Variants in MGAT4C observed in about 807,000 individuals in gnomAD.
MGAT4C encodes the protein MGAT4 family member C.
MGAT4C carries 19 observed loss-of-function variants against 40.1 expected under a neutral mutation model. The observed-to-expected ratio is 0.47, with a 90% CI of 0.33 to 0.70. The LOEUF is 0.70. Ranked by LOEUF, MGAT4C falls within the 30% of genes least tolerant of loss-of-function variation. The pLI, the probability that MGAT4C is intolerant of heterozygous loss-of-function variation, is 0.02. For missense variants in MGAT4C, 491 were observed against 563.2 expected (o/e 0.87, Z 1.30); for synonymous variants, 181 against 187.1 (o/e 0.97, Z 0.27).
intron 1 of MGAT4C, among the ~76,000 whole-genome samples, chr12:86,825,052 C>T (rs372041040): frequency 1.3e-5 from 2 of 150,928 alleles, no homozygotes; most frequent in Admixed American, 6.6e-5. Flanking sequence ...CTAGAAAAAC[C>T]GCTAGAGTAG....
At chr12:86,487,645 C>T (rs1181247319) in intron 2 of MGAT4C, among the ~76,000 whole-genome samples, 1 of 152,122 alleles carries the variant, frequency 6.6e-6, no homozygotes, top group African/African-American at 2.4e-5. Context: ...AATATATTTA[C>T]ATAATATGTC....
At chr12:86,458,870 G>C (rs1416800538) in intron 2 of MGAT4C, among the ~76,000 whole-genome samples, 1 of 152,098 alleles carries the variant, frequency 6.6e-6, no homozygotes, top group East Asian at 1.9e-4. Context: ...TTTGACTCCA[G>C]TTTTAGAGAT....
intron 2 of MGAT4C, among the ~76,000 whole-genome samples, chr12:86,505,243 C>T (rs1430346317): frequency 6.6e-6 from 1 of 152,008 alleles, no homozygotes; most frequent in Non-Finnish European, 1.5e-5. Flanking sequence ...TGCTTTCTGG[C>T]CTAATGCAAG....
chr12:86,712,482 T>C (rs1013799283), intron 2 of MGAT4C, among the ~76,000 whole-genome samples: 2 of 152,118 alleles, frequency 1.3e-5, no homozygotes, highest in African/African-American at 4.8e-5. Context: ...GGGCTGTGTT[T>C]TATCAGCACA....
intron 4 of MGAT4C, among the ~76,000 whole-genome samples, chr12:86,268,700 C>CAT (rs144630648): frequency 0.036 from 5,190 of 145,134 alleles, 123 homozygotes; most frequent in Non-Finnish European, 0.056. Context: ...TATATATACA[C>CAT]ATATATATAT....
intron 4 of MGAT4C, among the ~76,000 whole-genome samples, chr12:86,303,596 T>A (rs1312103540): frequency 1.3e-5 from 2 of 149,240 alleles, no homozygotes; most frequent in Admixed American, 1.3e-4. Context: ...ATCCAGAGTT[T>A]AAAAAAAAAT....
At chr12:86,220,730 C>G (rs1950846837) in intron 1 of MGAT4C, among the ~76,000 whole-genome samples, 1 of 152,110 alleles carries the variant, frequency 6.6e-6, no homozygotes, top group African/African-American at 2.4e-5. Context: ...CTACTGTGGA[C>G]TAAATATTCT....
chr12:86,761,068 G>A (rs1375410468), intron 1 of MGAT4C, among the ~76,000 whole-genome samples: 5 of 152,098 alleles, frequency 3.3e-5, no homozygotes, highest in African/African-American at 1.2e-4. Flanking sequence ...TTTGAAATAT[G>A]TATATTTTAT....
intron 1 of MGAT4C, among the ~76,000 whole-genome samples, chr12:86,805,991 A>C (rs11104098): frequency 0.12 from 18,782 of 151,758 alleles, 1,293 homozygotes; most frequent in Non-Finnish European, 0.15. Flanking sequence ...ATTTTTTCAT[A>C]AATTTATTGG....
chr12:86,750,503 A>C (rs1321720194), intron 1 of MGAT4C, among the ~76,000 whole-genome samples: 1 of 151,910 alleles, frequency 6.6e-6, no homozygotes, highest in Non-Finnish European at 1.5e-5. Context: ...CAAACAAACA[A>C]AAACACAACA....
chr12:86,780,796 C>T (rs1284513443), intron 1 of MGAT4C, among the ~76,000 whole-genome samples: 1 of 152,172 alleles, frequency 6.6e-6, no homozygotes, highest in East Asian at 1.9e-4. Context: ...TTTCTCATCC[C>T]TCACTCCCCT....
At chr12:86,500,088 G>GA (rs903131264) in intron 2 of MGAT4C, among the ~76,000 whole-genome samples, 13 of 149,866 alleles carry the variant, frequency 8.7e-5, no homozygotes, top group African/African-American at 2.2e-4. Flanking sequence ...CATCGGAAAT[G>GA]AAAAAAAAAT....
chr12:86,031,902 T>G (rs1179005892), intron 2 of MGAT4C, among the ~76,000 whole-genome samples: 1 of 151,816 alleles, frequency 6.6e-6, no homozygotes, highest in Non-Finnish European at 1.5e-5. Context: ...AGTTTTTTGA[T>G]CCTCATCTTT....
chr12:86,301,431 C>T (rs927562845), intron 4 of MGAT4C, among the ~76,000 whole-genome samples: 1 of 152,162 alleles, frequency 6.6e-6, no homozygotes, highest in Non-Finnish European at 1.5e-5. Context: ...CCAGTTCATA[C>T]TATGGTTATC....
chr12:86,011,943 G>A, intron 2 of MGAT4C: 1 of 782,178 alleles, frequency 1.3e-6, no homozygotes, highest in Non-Finnish European at 1.6e-6. Context: ...AGTTACTTGA[G>A]CAGGAGATCT....
intron 1 of MGAT4C, among the ~76,000 whole-genome samples, chr12:86,127,716 T>G (rs2135702242): frequency 6.6e-6 from 1 of 152,324 alleles, no homozygotes; most frequent in South Asian, 2.1e-4. Flanking sequence ...CTGTAAACAT[T>G]TTGTTAAAAT....
At chr12:86,333,969 A>G (rs1221030760) in intron 4 of MGAT4C, 1 of 152,138 alleles carries the variant, frequency 6.6e-6, no homozygotes, top group Non-Finnish European at 1.5e-5. Flanking sequence ...CTTAATCAAG[A>G]CTATCTCATT....
At chr12:86,570,233 TATGTA>T (rs2136420728) in intron 2 of MGAT4C, among the ~76,000 whole-genome samples, 1 of 152,294 alleles carries the variant, frequency 6.6e-6, no homozygotes, top group South Asian at 2.1e-4. Context: ...AAGTAGTGCA[TATGTA>T]ATTAGCTTTA....
chr12:86,722,320 T>C (rs1321807429), intron 2 of MGAT4C, among the ~76,000 whole-genome samples: 1 of 152,150 alleles, frequency 6.6e-6, no homozygotes, highest in Non-Finnish European at 1.5e-5. Context: ...AGAGTAAAAC[T>C]GAGCCAGTGT....
Sources: allele counts gnomAD v4.1 joint callset (sites outside exome capture counted in the v4.1 genomes callset), GRCh38; gene constraint gnomAD v4.1.1; transcripts MANE v1.5; gene names NCBI Gene and HGNC (gene_info 2026-07-23, HGNC 2026-07-21).